CUBN: variants seen among roughly 807,000 people sequenced by gnomAD.
CUBN encodes 460 kDa receptor.
A neutral mutation model predicts 405.3 loss-of-function variants in CUBN; 282 were observed. The observed-to-expected ratio is 0.70, with a 90% CI of 0.63 to 0.77. The LOEUF (loss-of-function observed/expected upper bound fraction) is 0.77. CUBN is among the 30% of genes least tolerant of loss of function. The probability of loss-of-function intolerance (pLI) is 0.00; values close to 1 mark genes in which losing one functional copy is unlikely to be tolerated. For missense variants in CUBN, 4,514 were observed against 4,475.2 expected (o/e 1.01, Z -0.25); for synonymous variants, 1,684 against 1,617.0 (o/e 1.04, Z -0.99).
At chr10:16,828,609 T>G (rs1331722615) in intron 66 of CUBN, among the ~76,000 whole-genome samples, 196 bp downstream of exon 66, 2 of 151,886 alleles carry the variant, frequency 1.3e-5, no homozygotes, top group African/African-American at 2.4e-5. Flanking sequence ...TCCCAGCTAC[T>G]CAGGAGGCTG....
intron 54 of CUBN, 95 bp from the exon 55 acceptor site, chr10:16,890,622 C>G (rs1840977752): frequency 8.6e-7 from 1 of 1,163,542 alleles, no homozygotes; most frequent in Non-Finnish European, 1.3e-6. Context: ...CACACGTATA[C>G]AGAACTAAGC....
chr10:16,969,077 G>A (rs1448957367), intron 31 of CUBN, among the ~76,000 whole-genome samples: 1 of 152,144 alleles, frequency 6.6e-6, no homozygotes, highest in African/African-American at 2.4e-5. Context: ...TCTAGAAAAC[G>A]CACTTCTGTG....
intron 6 of CUBN, chr10:17,122,546 G>A: frequency 1.8e-6 from 1 of 549,588 alleles, no homozygotes; most frequent in Non-Finnish European, 3.6e-6. Flanking sequence ...AATCACGGGA[G>A]CCTTCTTCCG....
chr10:16,918,921 T>C (rs1402179386), intron 44 of CUBN, 121 bp from the exon 45 acceptor site: 1 of 960,308 alleles, frequency 1.0e-6, no homozygotes, highest in African/African-American at 1.6e-5. Context: ...TAAAAAACTA[T>C]GATAGAATCA....
intron 38 of CUBN, 109 bp downstream of exon 38, chr10:16,938,854 G>T: frequency 1.0e-6 from 1 of 955,986 alleles, no homozygotes; most frequent in Non-Finnish European, 1.7e-6. Context: ...ATTTAGAGCA[G>T]ACTATCCCAC....
chr10:16,913,701 T>C (rs748370309), intron 48 of CUBN, 110 bp downstream of exon 48: 14 of 1,188,896 alleles, frequency 1.2e-5, no homozygotes, highest in Admixed American at 6.8e-5. Flanking sequence ...GTCTGAGTTA[T>C]AGTTGCATAG....
intron 22 of CUBN, among the ~76,000 whole-genome samples, chr10:17,056,176 G>A (rs774095711): frequency 2.0e-5 from 3 of 152,074 alleles, no homozygotes; most frequent in Non-Finnish European, 4.4e-5. Flanking sequence ...GGGAGTGGGG[G>A]TGAAGGAGAA....
chr10:16,900,751 G>T lies in CUBN; in HGVS notation c.8284C>A (p.Gln2762Lys), dbSNP rs2131420598. The part of the protein sequence containing the change: ...GGSPESPIIG[Q>K]YCGNSNPRTI... ...CTGGGGTTTGAATTTCCACAGTATT[G>T]TCCTATGATGGGTGATTCAGGGGAC... is the stretch of plus-strand genomic sequence containing the variant. Residue 2762 changes from glutamine to lysine, a missense_variant, in exon 53 of 67, where the codon CAA becomes AAA. Transcript: ENST00000377833. 3 of 1,614,024 alleles carry T rather than the reference G, an allele frequency of 1.9e-6. No homozygotes were observed. Among genetic ancestry groups the T allele is most frequent in the Admixed American group, 3.3e-5 (2 of 60,012 alleles).
intron 12 of CUBN, among the ~76,000 whole-genome samples, chr10:17,104,082 T>C (rs1412729758): frequency 1.3e-5 from 2 of 152,196 alleles, no homozygotes; most frequent in Non-Finnish European, 1.5e-5. Flanking sequence ...TTCAATGCAG[T>C]ACTCTAGGGA....
In CUBN at chr10:16,990,375, C is replaced by T. The variant is rs774934589; in HGVS notation, c.4309G>A (p.Asp1437Asn). The T allele has an allele frequency of 3.7e-6, 6 of 1,614,190 alleles. No homozygotes were observed. Among genetic ancestry groups the T allele is most frequent in the African/African-American group, 1.3e-5 (1 of 75,066 alleles). ...SSIQLTIHDF[D>N]VEYHSRCNFD... ...TTGCACCTTGAATGATACTCCACAT[C>T]GAAGTCATGGATGGTGAGCTGAATG... The change falls in exon 29 of 67, where the codon GAT becomes AAT. Residue 1437 changes from aspartate to asparagine, a missense_variant. This residue lies in a region of CUBN where 1,613 missense variants were observed against 1,542.8 expected (regional missense o/e 1.05). Transcript: ENST00000377833.
rs766282740 is a variant in CUBN at position 16,984,192 on chromosome 10, T to G, written c.4438A>C (p.Thr1480Pro). The change falls in exon 30 of 67, where the codon ACT becomes CCT. Residue 1480 changes from threonine to proline, a missense_variant. This residue lies in a region of CUBN where 1,613 missense variants were observed against 1,542.8 expected (regional missense o/e 1.05). Transcript: ENST00000377833. Reference sequence around the variant, plus strand: ...AATCGAATTGCTAGCTCATTTCCAGTGCTGGAGACCTGCATGGGGTTCTCA... The same window carrying G: ...AATCGAATTGCTAGCTCATTTCCAGGGCTGGAGACCTGCATGGGGTTCTCA... ...SPENPMQVSS[T>P]GNELAIRFKT... The G allele has an allele frequency of 1.2e-6, 2 of 1,614,208 alleles. No individual in the cohort carries two copies. The highest frequency in any genetic ancestry group is 4.5e-5 in the East Asian group (2 of 44,886).
At chr10:16,899,251 A>G in intron 53 of CUBN, 68 bp from the exon 54 acceptor site, 2 of 1,124,048 alleles carry the variant, frequency 1.8e-6, no homozygotes, top group Non-Finnish European at 2.7e-6. Context: ...CAAGACTGCT[A>G]CAGAAGGAAC....
chr10:17,107,845 C>T (rs1477507912), intron 10 of CUBN, among the ~76,000 whole-genome samples: 1 of 152,036 alleles, frequency 6.6e-6, no homozygotes, highest in East Asian at 1.9e-4. Flanking sequence ...TGCAAGATTC[C>T]ACTTCAATAT....
At chr10:16,858,259 C>T (rs1406017830) in intron 59 of CUBN, among the ~76,000 whole-genome samples, 1 of 152,162 alleles carries the variant, frequency 6.6e-6, no homozygotes, top group East Asian at 1.9e-4. Flanking sequence ...AATGCAATTC[C>T]TATAAAAATC....
intron 28 of CUBN, among the ~76,000 whole-genome samples, chr10:17,001,041 G>A (rs779447752): frequency 1.3e-5 from 2 of 152,040 alleles, no homozygotes; most frequent in Non-Finnish European, 2.9e-5. Flanking sequence ...TGGTGCGTTC[G>A]TGATCTTGCT....
chr10:17,012,048 A>G (rs1834200593), intron 28 of CUBN, among the ~76,000 whole-genome samples: 1 of 152,124 alleles, frequency 6.6e-6, no homozygotes, highest in Admixed American at 6.5e-5. Flanking sequence ...TGTCCTCCAG[A>G]GGGGAACTCT....
intron 41 of CUBN, among the ~76,000 whole-genome samples, chr10:16,926,144 TA>T (rs1235636338): frequency 6.6e-6 from 1 of 152,146 alleles, no homozygotes; most frequent in Non-Finnish European, 1.5e-5. Context: ...TTGTTAGAGT[TA>T]AGTTAGAAAA....
rs1454521892 is a variant in CUBN, at chr10:17,105,677, A to G, written c.1112-102T>C. On this transcript the variant is annotated intron_variant, in intron 10 of 66. Coordinates refer to ENST00000377833, the MANE Select transcript of CUBN (RefSeq NM_001081.4). The stretch of plus-strand genomic sequence containing the variant: ...GCTGTCTAGACAAGGATCCACCAAC[A>G]TCCAGTCTGTGTATTTTGACGGGCA... 11 of 724,184 alleles carry G rather than the reference A, an allele frequency of 1.5e-5. No individual in the cohort carries two copies. In the Admixed American group the frequency reaches 2.0e-4, roughly 13 times the overall value. The allele number at this position is 724,184 out of a possible 1,614,324, so 44.9% of individuals were successfully genotyped here.
At chr10:16,947,396 T>C in intron 35 of CUBN, 29 bp from the exon 36 acceptor site, 1 of 1,613,368 alleles carries the variant, frequency 6.2e-7, no homozygotes, top group South Asian at 1.1e-5. Context: ...AAAGTGAGTA[T>C]CAGAGCAAAG....
Sources: allele counts gnomAD v4.1 joint callset (sites outside exome capture counted in the v4.1 genomes callset), GRCh38; gene constraint gnomAD v4.1.1; regional missense constraint gnomAD v4.1.1; transcripts MANE v1.5; gene names NCBI Gene and HGNC (gene_info 2026-07-23, HGNC 2026-07-21).